TACC2: variants seen among roughly 807,000 people sequenced by gnomAD.
TACC2 encodes transforming acidic coiled-coil containing protein 2, also known as transforming acidic coiled-coil-containing protein 2.
A neutral mutation model predicts 227.3 loss-of-function variants in TACC2; 137 were observed. The observed-to-expected ratio is 0.60, with a 90% CI of 0.52 to 0.69. The LOEUF (loss-of-function observed/expected upper bound fraction) is 0.69. Ranked by LOEUF, TACC2 falls within the 30% of genes least tolerant of loss-of-function variation. The pLI, the probability that TACC2 is intolerant of heterozygous loss-of-function variation, is 0.00. For missense variants in TACC2, 3,470 were observed against 3,694.4 expected (o/e 0.94, Z 1.57); for synonymous variants, 1,523 against 1,487.5 (o/e 1.02, Z -0.55).
intron 7 of TACC2, among the ~76,000 whole-genome samples, chr10:122,173,942 C>CA: frequency 6.6e-6 from 1 of 152,338 alleles, no homozygotes; most frequent in Middle Eastern, 3.4e-3. Context: ...CTCCCATAGA[C>CA]AGGGAAGTGG....
intron 7 of TACC2, among the ~76,000 whole-genome samples, chr10:122,173,522 G>A (rs2093575281): frequency 6.6e-6 from 1 of 152,224 alleles, no homozygotes; most frequent in Non-Finnish European, 1.5e-5. Context: ...CACTTGTCAC[G>A]AGCATCTTTA....
intron 7 of TACC2, among the ~76,000 whole-genome samples, chr10:122,189,600 G>T (rs2094338720): frequency 6.6e-6 from 1 of 152,214 alleles, no homozygotes; most frequent in African/African-American, 2.4e-5. Flanking sequence ...CCTCCCTCCA[G>T]TTCCCAGATC....
chr10:122,163,767 C>G, intron 7 of TACC2: 2 of 1,215,508 alleles, frequency 1.6e-6, no homozygotes, highest in Non-Finnish European at 2.0e-6. Flanking sequence ...TCGCAGCTCC[C>G]TGCCGCCGCT....
rs535928680 is a variant in TACC2, at chr10:122,205,354, T to G, written c.5972-5043T>G. ...GCTCTCTTGCTGGTCGGTTTTGGGTTTGGTTTCTTGAGCTGTCTGTTTTGG... is the reference window on the plus strand; with the variant it reads ...GCTCTCTTGCTGGTCGGTTTTGGGTGTGGTTTCTTGAGCTGTCTGTTTTGG... On this transcript the variant is annotated intron_variant, in intron 8 of 22. Coordinates refer to ENST00000369005, the MANE Select transcript of TACC2 (RefSeq NM_206862.4). The surrounding 1 kb of genome is among the most constrained non-coding windows in gnomAD (Gnocchi z 4.5). Among the ~76,000 whole-genome samples the G allele has an allele frequency of 5.3e-5, 8 of 152,138 alleles. No homozygotes were observed. The East Asian group carries it at 1.6e-3, about 30-fold the overall frequency.
chr10:122,221,896 G>T (rs2095530585), intron 11 of TACC2, among the ~76,000 whole-genome samples: 1 of 152,192 alleles, frequency 6.6e-6, no homozygotes, highest in African/African-American at 2.4e-5. Flanking sequence ...TCTGGCTTCT[G>T]CATGGGGCTC....
In TACC2 at chr10:122,101,723, CTTTTTTT is replaced by C. The variant is rs1179126977; in HGVS notation, c.5573+13148_5573+13154del. On this transcript the variant is annotated intron_variant, in intron 5 of 22. Coordinates refer to ENST00000369005, the MANE Select transcript of TACC2 (RefSeq NM_206862.4). ...TACAGGTGCCTGCCACCATGCCCAG[CTTTTTTT>C]TTTTTTTTTTTTTTTGTATTTTTAG... 3.7e-3 allele frequency among the ~76,000 whole-genome samples: 209 copies of C among 55,740 alleles called. 1 individual carries two copies. The highest frequency in any genetic ancestry group is 0.015 in the African/African-American group (205 of 13,288). 36.6% of individuals were successfully genotyped at this position (55,740 alleles called of 152,430 possible).
At position 122,073,129 on chromosome 10, in the gene TACC2, AT is replaced by A. The variant is rs2078321291; in HGVS notation, c.147-9517del. On this transcript the variant is annotated intron_variant, in intron 3 of 22. Coordinates refer to ENST00000369005, the MANE Select transcript of TACC2 (RefSeq NM_206862.4). ...CTCAAAAAAAAAAAAAAAAAAAAATATATATATATATATATATATATATACA... is the reference window on the plus strand; with the variant it reads ...CTCAAAAAAAAAAAAAAAAAAAAATAATATATATATATATATATATATACA... Among the ~76,000 whole-genome samples the A allele has an allele frequency of 4.6e-3, 254 of 55,736 alleles. 1 individual carries two copies. Among genetic ancestry groups the A allele is most frequent in the Admixed American group, 7.6e-3 (31 of 4,104 alleles). The allele number at this position is 55,736 out of a possible 152,430, so 36.6% of individuals were successfully genotyped here. A position where few individuals can be genotyped will look rare whatever the true frequency, so the allele number is the denominator to read the frequency against.
chr10:122,214,190 ACT>A (rs1025258250), intron 9 of TACC2, among the ~76,000 whole-genome samples: 14 of 151,780 alleles, frequency 9.2e-5, no homozygotes, highest in African/African-American at 3.4e-4. Flanking sequence ...AGTCCATCAG[ACT>A]CTCTTCTGCC....
chr10:122,249,023 C>T lies in TACC2; in HGVS notation c.8554-27C>T, dbSNP rs201344291. ...TGGGCATTTGTTCTCGTGGGCTTGACGCCTGTCCTCTGCCCTGCTGTGTCA... is the reference window on the plus strand; with the variant it reads ...TGGGCATTTGTTCTCGTGGGCTTGATGCCTGTCCTCTGCCCTGCTGTGTCA... On this transcript the variant is annotated intron_variant, in intron 20 of 22. Coordinates refer to ENST00000369005, the MANE Select transcript of TACC2 (RefSeq NM_206862.4). 8.6e-5 allele frequency: 137 copies of T among 1,595,134 alleles called. 4 individuals carry two copies. The East Asian group carries it at 9.6e-4, about 11-fold the overall frequency.
intron 1 of TACC2, among the ~76,000 whole-genome samples, chr10:122,015,118 AAAAG>A (rs1195719051): frequency 1.4e-5 from 2 of 142,248 alleles, no homozygotes; most frequent in East Asian, 4.2e-4. Flanking sequence ...AAAAAAAAAA[AAAAG>A]GACAAAACAT....
chr10:122,229,528 C>T lies in TACC2; in HGVS notation c.8037+42C>T, dbSNP rs371542704. ...TGACCTTTTGGGAGTTTGTCAAAACCTCAGTAGAGAATGAACCCCCGAGGC... is the reference window on the plus strand; with the variant it reads ...TGACCTTTTGGGAGTTTGTCAAAACTTCAGTAGAGAATGAACCCCCGAGGC... On this transcript the variant is annotated intron_variant, in intron 15 of 22. Transcript: ENST00000369005. 3.1e-6 allele frequency: 5 copies of T among 1,610,656 alleles called. No individual in the cohort carries two copies. In the African/African-American group the frequency reaches 5.4e-5, roughly 17 times the overall value.
At chr10:122,229,248 A>C in intron 14 of TACC2, 98 bp from the exon 15 acceptor site, 1 of 1,462,650 alleles carries the variant, frequency 6.8e-7, no homozygotes, top group African/African-American at 1.4e-5. Flanking sequence ...CAAGGCAAAA[A>C]TGTCCAGCAA....
At chr10:122,041,752 G>A (rs2074299064) in intron 2 of TACC2, among the ~76,000 whole-genome samples, 1 of 152,170 alleles carries the variant, frequency 6.6e-6, no homozygotes, top group Non-Finnish European at 1.5e-5. Context: ...GGCCTTGACA[G>A]CAGAGAGTTT....
chr10:122,181,751 G>A (rs1428074352), intron 7 of TACC2, among the ~76,000 whole-genome samples: 13 of 152,220 alleles, frequency 8.5e-5, no homozygotes, highest in African/African-American at 2.9e-4. Flanking sequence ...TAAAGAGTGA[G>A]TTGAGGATGC....
At chr10:122,088,829 T>G in intron 5 of TACC2, 1 of 1,367,330 alleles carries the variant, frequency 7.3e-7, no homozygotes, top group Non-Finnish European at 9.8e-7. Context: ...ACCTTAAATT[T>G]AAAAAGTCAG....
chr10:122,088,376 A>C, intron 4 of TACC2, 102 bp from the exon 5 acceptor site: 5 of 1,080,938 alleles, frequency 4.6e-6, no homozygotes, highest in East Asian at 2.6e-5. Flanking sequence ...TGTAGTAGCC[A>C]CTTAAAACTT....
At chr10:122,196,237 C>T (rs1360140343) in intron 8 of TACC2, among the ~76,000 whole-genome samples, 2 of 152,172 alleles carry the variant, frequency 1.3e-5, no homozygotes, top group Admixed American at 1.3e-4. Context: ...TTTTATCCGC[C>T]GTGGGTTCGA....
intron 1 of TACC2, 79 bp downstream of exon 1, chr10:121,989,567 ATCT>A (rs1349967451): frequency 3.3e-5 from 5 of 152,184 alleles, no homozygotes; most frequent in Non-Finnish European, 7.3e-5. Context: ...GGAAAACCCT[ATCT>A]TCTTAGGTTC....
At chr10:122,222,744 G>A (rs1034818052) in intron 11 of TACC2, among the ~76,000 whole-genome samples, 1 of 152,202 alleles carries the variant, frequency 6.6e-6, no homozygotes, top group Admixed American at 6.5e-5. Context: ...GGGGCCACAG[G>A]CCCCTGGAAA....
Sources: gnomAD v4.1 joint callset for allele counts (sites outside exome capture counted in the v4.1 genomes callset) on GRCh38, gnomAD v4.1.1 for gene constraint, Gnocchi (gnomAD v3.1) non-coding constraint, MANE v1.5 for transcripts, NCBI Gene and HGNC (gene_info 2026-07-23, HGNC 2026-07-21) for gene names.